The following FSTL5 variants were observed in gnomAD, a reference collection of about 807,000 sequenced individuals.
The protein encoded by FSTL5 is follistatin like 5, also known as follistatin-related protein 5.
FSTL5 carries 62 observed loss-of-function variants against 89.1 expected under a neutral mutation model. That is an observed-to-expected ratio of 0.70 (90% CI 0.57 to 0.86). The LOEUF is 0.86. Ranked by LOEUF, FSTL5 falls within the 40% of genes least tolerant of loss-of-function variation. The pLI, the probability that FSTL5 is intolerant of heterozygous loss-of-function variation, is 0.00. For synonymous variants in FSTL5, 383 were observed against 346.2 expected, an observed-to-expected ratio of 1.11 and a Z score of -1.18; for missense variants, 1,057 against 1,001.6, an observed-to-expected ratio of 1.06 and a Z score of -0.75.
chr4:161,423,606 A>C (rs968850239), intron 15 of FSTL5, among the ~76,000 whole-genome samples: 13 of 151,806 alleles, frequency 8.6e-5, no homozygotes, highest in Non-Finnish European at 1.5e-4. Context: ...GTTTAGGCCT[A>C]CTATATTTTT....
chr4:162,104,089 A>C (rs1172653379), intron 2 of FSTL5, among the ~76,000 whole-genome samples: 1 of 152,164 alleles, frequency 6.6e-6, no homozygotes, highest in Non-Finnish European at 1.5e-5. Flanking sequence ...GCTGTTTGCC[A>C]CTATCGCAGA....
At chr4:161,857,929 G>A (rs569185925) in intron 4 of FSTL5, among the ~76,000 whole-genome samples, 2 of 152,096 alleles carry the variant, frequency 1.3e-5, no homozygotes, top group South Asian at 2.1e-4. Context: ...CCTAACTTTC[G>A]GCAAACTACC....
At chr4:161,971,535 T>C (rs1313063570) in intron 3 of FSTL5, among the ~76,000 whole-genome samples, 2 of 152,258 alleles carry the variant, frequency 1.3e-5, no homozygotes, top group Admixed American at 1.3e-4. Context: ...AGTAGATCTA[T>C]TATAAGGCAT....
At chr4:161,404,448 C>A (rs78593209) in intron 15 of FSTL5, among the ~76,000 whole-genome samples, 1 of 152,096 alleles carries the variant, frequency 6.6e-6, no homozygotes, top group Non-Finnish European at 1.5e-5. Context: ...ATCCTGTAGA[C>A]TCATGTAAAC....
intron 3 of FSTL5, among the ~76,000 whole-genome samples, chr4:161,981,593 A>G (rs1735828909): frequency 6.6e-6 from 1 of 152,148 alleles, no homozygotes; most frequent in Non-Finnish European, 1.5e-5. Context: ...TAAGGGCATT[A>G]TACTTTCTTG....
At chr4:161,851,480 C>T (rs1367668499) in intron 4 of FSTL5, among the ~76,000 whole-genome samples, 8 of 151,916 alleles carry the variant, frequency 5.3e-5, no homozygotes, top group South Asian at 2.1e-4. Context: ...AGGTATCTTT[C>T]GTAATGATAA....
chr4:162,102,719 T>A (rs1731049397), intron 2 of FSTL5, among the ~76,000 whole-genome samples: 1 of 145,688 alleles, frequency 6.9e-6, no homozygotes, highest in Non-Finnish European at 1.5e-5. Context: ...TTATATATAT[T>A]TATTTATATT....
intron 3 of FSTL5, among the ~76,000 whole-genome samples, chr4:161,922,753 T>C (rs1044178222): frequency 6.6e-6 from 1 of 151,984 alleles, no homozygotes; most frequent in Non-Finnish European, 1.5e-5. Context: ...GAGAAGTTAA[T>C]GCTATCATCA....
chr4:161,765,740 T>C (rs1174527991), intron 5 of FSTL5, among the ~76,000 whole-genome samples: 1 of 152,162 alleles, frequency 6.6e-6, no homozygotes, highest in Non-Finnish European at 1.5e-5. Flanking sequence ...GTTCTTTTCA[T>C]TATTTTAATA....
chr4:161,735,641 A>G (rs1383797212), intron 6 of FSTL5, among the ~76,000 whole-genome samples: 1 of 152,206 alleles, frequency 6.6e-6, no homozygotes, highest in Non-Finnish European at 1.5e-5. Context: ...TTCAGAATTT[A>G]TCATGCGTAT....
chr4:161,657,848 T>C (rs1311204839), intron 6 of FSTL5, among the ~76,000 whole-genome samples: 1 of 152,180 alleles, frequency 6.6e-6, no homozygotes, highest in Non-Finnish European at 1.5e-5. Context: ...GACACCTCAT[T>C]ATCTGATAAA....
At chr4:162,146,752 T>TTCTCTC (rs373161292) in intron 1 of FSTL5, among the ~76,000 whole-genome samples, 5,047 of 117,900 alleles carry the variant, frequency 0.043, 108 homozygotes, top group Admixed American at 0.05. Context: ...TCTTTCTCCT[T>TTCTCTC]TCTCTCTCTC....
intron 3 of FSTL5, among the ~76,000 whole-genome samples, chr4:161,946,136 A>G (rs529602610): frequency 4.6e-5 from 7 of 152,278 alleles, no homozygotes; most frequent in African/African-American, 1.7e-4. Context: ...CCATATTTCA[A>G]ATTTCTTTAT....
intron 5 of FSTL5, among the ~76,000 whole-genome samples, chr4:161,762,335 T>C (rs1356659773): frequency 6.6e-6 from 1 of 152,150 alleles, no homozygotes; most frequent in Non-Finnish European, 1.5e-5. Flanking sequence ...ACTACACAAG[T>C]AGACTTCCTT....
chr4:161,843,501 A>C (rs1418493730), intron 4 of FSTL5, among the ~76,000 whole-genome samples: 1 of 152,140 alleles, frequency 6.6e-6, no homozygotes, highest in South Asian at 2.1e-4. Context: ...ATTCCTAGGT[A>C]TTTTATTCTC....
intron 2 of FSTL5, among the ~76,000 whole-genome samples, chr4:162,063,559 T>G (rs1484320515): frequency 6.6e-6 from 1 of 151,852 alleles, no homozygotes; most frequent in Non-Finnish European, 1.5e-5. Context: ...ATGTGATTAT[T>G]TCTAAAAGAA....
intron 6 of FSTL5, among the ~76,000 whole-genome samples, chr4:161,750,417 A>T (rs1740356336): frequency 1.3e-5 from 2 of 152,188 alleles, no homozygotes; most frequent in Non-Finnish European, 2.9e-5. Flanking sequence ...ATATACACTT[A>T]ATGCTCATAT....
At chr4:161,866,170 G>A (rs759347121) in intron 4 of FSTL5, among the ~76,000 whole-genome samples, 3 of 152,094 alleles carry the variant, frequency 2.0e-5, no homozygotes, top group Non-Finnish European at 2.9e-5. Flanking sequence ...ACCCAACATT[G>A]TCCATACAAT....
At position 161,481,069 on chromosome 4, in the gene FSTL5, G is replaced by T; in HGVS notation, c.1559C>A (p.Thr520Asn). 1 of 1,613,038 alleles carries T rather than the reference G, an allele frequency of 6.2e-7. No individual in the cohort carries two copies. Among genetic ancestry groups the T allele is most frequent in the Non-Finnish European group, 8.5e-7 (1 of 1,179,310 alleles). Residue 520 changes from threonine (T) to asparagine (N), a missense_variant, in exon 13 of 16, where the codon ACT becomes AAT. Coordinates refer to ENST00000306100, the MANE Select transcript of FSTL5 (RefSeq NM_020116.5). ...ATCAACAATAAGGACTCTGTCCAAA[G>T]TTGGCTGTGCAACATAAATGAACTT... ...KDKFIYVAQP[T>N]LDRVLIVDVQ...
Sources: allele counts gnomAD v4.1 joint callset (sites outside exome capture counted in the v4.1 genomes callset), GRCh38; gene constraint gnomAD v4.1.1; transcripts MANE v1.5; gene names NCBI Gene and HGNC (gene_info 2026-07-23, HGNC 2026-07-21).